Variants in ATAD5 observed in about 807,000 individuals in gnomAD.
ATAD5 encodes the protein ATPase family AAA domain containing 5.
Under a neutral mutation model 176.9 loss-of-function variants are expected in ATAD5, and 58 were observed. The observed-to-expected ratio is 0.33, with a 90% confidence interval of 0.27 to 0.41. The LOEUF is 0.41. ATAD5 is among the 10% of genes least tolerant of loss of function. ATAD5 has a pLI of 1.00. For synonymous variants in ATAD5, 640 were observed against 712.6 expected (o/e 0.90, Z 1.62); for missense variants, 1,789 against 2,094.1 (o/e 0.85, Z 2.84).
At chr17:30,843,649 CAA>C (rs539591584) in intron 4 of ATAD5, among the ~76,000 whole-genome samples, 10 of 122,182 alleles carry the variant, frequency 8.2e-5, no homozygotes, top group Non-Finnish European at 7.0e-5. Flanking sequence ...GACTCCATTT[CAA>C]AAAAAAAAAA....
intron 3 of ATAD5, among the ~76,000 whole-genome samples, chr17:30,838,783 G>C (rs1380351493): frequency 6.6e-6 from 1 of 152,146 alleles, no homozygotes; most frequent in Non-Finnish European, 1.5e-5. Context: ...TTTCCAGCAA[G>C]AGAAGTCTCA....
rs752175974 is a variant in ATAD5, at chr17:30,844,896, C to T, written c.2430C>T (p.Val810=). 6.3e-7 allele frequency: 1 copy of T among 1,583,348 alleles called. No individual in the cohort carries two copies. Among genetic ancestry groups the T allele is most frequent in the African/African-American group, 1.4e-5 (1 of 72,418 alleles). Residue 810 remains valine, a synonymous_variant, in exon 6 of 23, where the codon GTC becomes GTT. Transcript: ENST00000321990. The stretch of plus-strand genomic sequence containing the variant: ...AAGCACAAAAAGCAGCTGATCCTGT[C>T]CCTAGTTTTGATGAAAGCAGGTCAG... The part of the protein sequence containing the change: ...VRKAQKAADP[V]PSFDESSQDT...
chr17:30,850,823 T>TATATATA (rs1906841161), intron 6 of ATAD5, among the ~76,000 whole-genome samples: 1 of 60,488 alleles, frequency 1.7e-5, no homozygotes, highest in African/African-American at 1.1e-4. Context: ...TTATTTATAT[T>TATATATA]TATATATTTT....
intron 6 of ATAD5, among the ~76,000 whole-genome samples, chr17:30,847,301 CAT>C (rs1462184078): frequency 6.6e-6 from 1 of 151,386 alleles, no homozygotes; most frequent in African/African-American, 2.4e-5. Context: ...AAGTAGTACT[CAT>C]ATGAATATGC....
rs1220208292 is a variant in ATAD5 at position 30,894,025 on chromosome 17, T to C, written c.5172T>C (p.Ile1724=). ...GCTTTACTAAATGTTCTTCTGCTATTTCAAAAGCATTGGAAACCTTGAATT... is the reference window on the plus strand; with the variant it reads ...GCTTTACTAAATGTTCTTCTGCTATCTCAAAAGCATTGGAAACCTTGAATT... ...ALSFTKCSSA[I]SKALETLNSC... Residue 1724 remains isoleucine (I), a synonymous_variant, in exon 21 of 23, where the codon ATT becomes ATC. Coordinates refer to ENST00000321990, the MANE Select transcript of ATAD5 (RefSeq NM_024857.5). 1.9e-6 allele frequency: 3 copies of C among 1,613,482 alleles called. No individual in the cohort carries two copies. Among genetic ancestry groups the C allele is most frequent in the Non-Finnish European group, 2.5e-6 (3 of 1,179,528 alleles).
chr17:30,891,282 T>C (rs1909627695), intron 19 of ATAD5, among the ~76,000 whole-genome samples: 1 of 152,208 alleles, frequency 6.6e-6, no homozygotes, highest in Non-Finnish European at 1.5e-5. Flanking sequence ...ATTTTGCCAA[T>C]TTAAAAAGTG....
rs1309099325 is a variant in ATAD5, at chr17:30,853,867, A to G, written c.2451-1276A>G. Among the ~76,000 whole-genome samples the G allele has an allele frequency of 2.0e-5, 3 of 152,160 alleles. No individual in the cohort carries two copies. The East Asian group carries it at 5.8e-4, about 29-fold the overall frequency. ...TTCCTCCTGTTACATTGGGAACAAT[A>G]TTACATCAGAAGTTCTTGTATTAAC... On this transcript the variant is annotated intron_variant, in intron 6 of 22. Coordinates refer to ENST00000321990, the MANE Select transcript of ATAD5 (RefSeq NM_024857.5).
In ATAD5 at chr17:30,845,109, G is replaced by A. The variant is rs1309948371; in HGVS notation, c.2450+193G>A. On this transcript the variant is annotated intron_variant, in intron 6 of 22. Coordinates refer to ENST00000321990, the MANE Select transcript of ATAD5 (RefSeq NM_024857.5). ...GTTTTTTGCAAGTGCTTTGGCCATCGCTAGACAAAACAGAAAAATAAGCAA... is the reference window on the plus strand; with the variant it reads ...GTTTTTTGCAAGTGCTTTGGCCATCACTAGACAAAACAGAAAAATAAGCAA... Among the ~76,000 whole-genome samples, 23 of 152,062 alleles carry A rather than the reference G, an allele frequency of 1.5e-4. 1 individual carries two copies. Among genetic ancestry groups the A allele is most frequent in the Admixed American group, 1.5e-3 (23 of 15,230 alleles).
intron 1 of ATAD5, among the ~76,000 whole-genome samples, 174 bp downstream of exon 1, chr17:30,832,587 G>A (rs1905449093): frequency 1.3e-5 from 2 of 152,166 alleles, no homozygotes; most frequent in South Asian, 4.1e-4. Context: ...GTTTAGAGTC[G>A]TGTCAAGTCC....
chr17:30,856,595 T>C (rs1484577967), intron 7 of ATAD5, among the ~76,000 whole-genome samples: 1 of 152,158 alleles, frequency 6.6e-6, no homozygotes, highest in African/African-American at 2.4e-5. Flanking sequence ...ATTGCTGGTC[T>C]CGAACTCCTG....
At chr17:30,846,192 T>C (rs1297593449) in intron 6 of ATAD5, among the ~76,000 whole-genome samples, 1 of 152,156 alleles carries the variant, frequency 6.6e-6, no homozygotes, top group Non-Finnish European at 1.5e-5. Context: ...TTCCATCAAT[T>C]AGTTTGATTT....
At chr17:30,837,179 T>A in intron 2 of ATAD5, 27 bp from the exon 3 acceptor site, 1 of 1,253,316 alleles carries the variant, frequency 8.0e-7, no homozygotes, top group Non-Finnish European at 1.1e-6. Flanking sequence ...CATGAAAATG[T>A]TTCTGAATAC....
At chr17:30,883,598 T>G (rs1359187775) in intron 18 of ATAD5, among the ~76,000 whole-genome samples, 1 of 152,000 alleles carries the variant, frequency 6.6e-6, no homozygotes, top group East Asian at 1.9e-4. Context: ...CAGGCTGGAG[T>G]GCACTGGCGC....
chr17:30,894,617 T>C lies in ATAD5; in HGVS notation c.5351T>C (p.Leu1784Pro), dbSNP rs749134480. Reference sequence around the variant, plus strand: ...AAAAGTGTATTTTCGAGTCGATCTCTTCTCTATGTGGGTAATAGACAAGCT... The same window carrying C: ...AAAAGTGTATTTTCGAGTCGATCTCCTCTCTATGTGGGTAATAGACAAGCT... ...VIKSVFSSRS[L>P]LYVGNRQASI... The change falls in exon 22 of 23, where the codon CTT becomes CCT. Residue 1784 changes from leucine (L) to proline (P), a missense_variant. Physicochemically the swap from Leu to Pro is moderately conservative, Grantham distance 98 (BLOSUM62 -3). Coordinates refer to ENST00000321990, the MANE Select transcript of ATAD5 (RefSeq NM_024857.5). 3 of 1,613,346 alleles carry C rather than the reference T, an allele frequency of 1.9e-6. No individual in the cohort carries two copies. Among genetic ancestry groups the C allele is most frequent in the South Asian group, 1.1e-5 (1 of 91,022 alleles).
At chr17:30,842,356 A>G (rs1031323913) in intron 4 of ATAD5, among the ~76,000 whole-genome samples, 2 of 152,148 alleles carry the variant, frequency 1.3e-5, no homozygotes, top group East Asian at 3.8e-4. Context: ...TGCCTTCAAG[A>G]CAAATATTTT....
At chr17:30,838,362 C>T (rs549015450) in intron 3 of ATAD5, among the ~76,000 whole-genome samples, 12 of 152,316 alleles carry the variant, frequency 7.9e-5, no homozygotes, top group East Asian at 7.7e-4. Flanking sequence ...TTTTATTTAA[C>T]AGCTGTCATT....
intron 11 of ATAD5, 107 bp from the exon 12 acceptor site, chr17:30,868,226 A>T: frequency 1.2e-6 from 1 of 868,416 alleles, no homozygotes; most frequent in Non-Finnish European, 1.6e-6. Context: ...GGCCAGTGGC[A>T]GAGAAACTAA....
At position 30,894,779 on chromosome 17, in the gene ATAD5, T is replaced by G; in HGVS notation, c.5457-56T>G. On this transcript the variant is annotated intron_variant, in intron 22 of 22. Transcript: ENST00000321990. ...TAGCTTTTTCAAGATTAATACATAT[T>G]TTCATAAGATGAAAATGTTAATATT... 1.3e-6 allele frequency: 2 copies of G among 1,555,880 alleles called. 1 individual carries two copies. Among genetic ancestry groups the G allele is most frequent in the Non-Finnish European group, 1.7e-6 (2 of 1,152,270 alleles).
At position 30,895,036 on chromosome 17, in the gene ATAD5, TA is replaced by T. The variant is rs1909836329; in HGVS notation, c.*124del. The T allele has an allele frequency of 1.7e-6, 1 of 581,066 alleles. No individual in the cohort carries two copies. Among genetic ancestry groups the T allele is most frequent in the Non-Finnish European group, 2.7e-6 (1 of 369,678 alleles). The allele number at this position is 581,066 out of a possible 1,614,324, so 36.0% of individuals were successfully genotyped here. A position where few individuals can be genotyped will look rare whatever the true frequency, so the allele number is the denominator to read the frequency against. On this transcript the variant is annotated 3_prime_UTR_variant, in exon 23 of 23. Coordinates refer to ENST00000321990, the MANE Select transcript of ATAD5 (RefSeq NM_024857.5). ...GTACATTTTAAACAAACAATTTGTA[TA>T]TTTTTTTATTGGCGGGTAAATATTT... is the stretch of plus-strand genomic sequence containing the variant.
Sources: allele counts gnomAD v4.1 joint callset (sites outside exome capture counted in the v4.1 genomes callset), GRCh38; gene constraint gnomAD v4.1.1; transcripts MANE v1.5; gene names NCBI Gene and HGNC (gene_info 2026-07-23, HGNC 2026-07-21).